Variants in DCC observed in about 807,000 individuals in gnomAD.
DCC encodes DCC netrin 1 receptor.
DCC carries 58 observed loss-of-function variants against 172.5 expected under a neutral mutation model. The observed-to-expected ratio is 0.34, with a 90% CI of 0.27 to 0.42. The LOEUF (loss-of-function observed/expected upper bound fraction) is 0.42, where lower values mean the gene tolerates loss of function less well. Ranked by LOEUF, DCC falls within the 10% of genes least tolerant of loss-of-function variation. DCC has a pLI of 1.00. For synonymous variants in DCC, 709 were observed against 644.5 expected (o/e 1.10, Z -1.52); for missense variants, 1,740 against 1,791.0 (o/e 0.97, Z 0.51).
intron 24 of DCC, among the ~76,000 whole-genome samples, chr18:53,465,928 C>A (rs1170159072): frequency 6.6e-6 from 1 of 151,946 alleles, no homozygotes; most frequent in East Asian, 1.9e-4. Context: ...CCACTCCCGG[C>A]TAATTTTTTG....
rs2034635373 is a variant in DCC, at chr18:52,629,560, A to C, written c.92-122494A>C. 2.0e-5 allele frequency among the ~76,000 whole-genome samples: 3 copies of C among 152,184 alleles called. No individual in the cohort carries two copies. The South Asian group carries it at 6.2e-4, about 31-fold the overall frequency. ...CCGAGCATGGTGGCTCATGCTTATA[A>C]GCCTAGAACTTTGGGAGGCTGAAGC... is the stretch of plus-strand genomic sequence containing the variant. On this transcript the variant is annotated intron_variant, in intron 1 of 28. Coordinates refer to ENST00000442544, the MANE Select transcript of DCC (RefSeq NM_005215.4).
chr18:52,667,677 C>T (rs1374949576), intron 1 of DCC, among the ~76,000 whole-genome samples: 1 of 152,146 alleles, frequency 6.6e-6, no homozygotes, highest in Non-Finnish European at 1.5e-5. Context: ...CATAACAGCC[C>T]CTGGCTTTGG....
At chr18:52,413,852 A>T (rs1986924735) in intron 1 of DCC, among the ~76,000 whole-genome samples, 2 of 152,170 alleles carry the variant, frequency 1.3e-5, no homozygotes. Context: ...ACTCCTTTAC[A>T]TAATAATTAT....
chr18:53,512,189 C>A (rs1292415862), intron 27 of DCC, among the ~76,000 whole-genome samples: 1 of 151,368 alleles, frequency 6.6e-6, no homozygotes, highest in East Asian at 2.0e-4. Flanking sequence ...AGGCACCCCC[C>A]AGCAGGAGCA....
intron 2 of DCC, among the ~76,000 whole-genome samples, chr18:52,797,313 GT>G (rs1324513316): frequency 6.6e-6 from 1 of 152,112 alleles, no homozygotes; most frequent in East Asian, 1.9e-4. Context: ...GAGGCATCAT[GT>G]TTCCTTTTTT....
chr18:53,019,495 C>A (rs998461476), intron 5 of DCC, among the ~76,000 whole-genome samples: 2 of 152,082 alleles, frequency 1.3e-5, no homozygotes, highest in Non-Finnish European at 1.5e-5. Flanking sequence ...ACTTTTTATT[C>A]CCAGGATTTA....
At chr18:52,494,095 C>T (rs2030640314) in intron 1 of DCC, among the ~76,000 whole-genome samples, 1 of 151,942 alleles carries the variant, frequency 6.6e-6, no homozygotes, top group Admixed American at 6.6e-5. Flanking sequence ...GCTATTTTTG[C>T]TGGGTATAGA....
intron 2 of DCC, among the ~76,000 whole-genome samples, chr18:52,804,406 AC>A (rs2038049058): frequency 6.6e-6 from 1 of 152,236 alleles, no homozygotes; most frequent in Non-Finnish European, 1.5e-5. Flanking sequence ...ATTAAATAAA[AC>A]TTCAACTTAT....
intron 1 of DCC, among the ~76,000 whole-genome samples, chr18:52,502,430 C>T (rs950342753): frequency 1.3e-5 from 2 of 152,070 alleles, no homozygotes; most frequent in African/African-American, 2.4e-5. Flanking sequence ...CTTTGATTCT[C>T]GACACTATTT....
At chr18:53,050,699 A>G (rs1350211341) in intron 5 of DCC, among the ~76,000 whole-genome samples, 2 of 152,116 alleles carry the variant, frequency 1.3e-5, no homozygotes, top group African/African-American at 2.4e-5. Context: ...TTCTCTAAAT[A>G]TAGAATCATG....
intron 8 of DCC, among the ~76,000 whole-genome samples, chr18:53,168,803 G>C (rs1268939400): frequency 1.3e-5 from 2 of 152,042 alleles, no homozygotes; most frequent in African/African-American, 4.8e-5. Flanking sequence ...GGGCAGGACG[G>C]CTCATTGCAG....
At chr18:53,495,981 A>C (rs1241580689) in intron 26 of DCC, among the ~76,000 whole-genome samples, 1 of 152,142 alleles carries the variant, frequency 6.6e-6, no homozygotes, top group Admixed American at 6.6e-5. Flanking sequence ...TAAAAACCCC[A>C]TCTCCCTGGG....
intron 14 of DCC, among the ~76,000 whole-genome samples, chr18:53,333,407 T>C: frequency 6.6e-6 from 1 of 152,188 alleles, no homozygotes; most frequent in East Asian, 1.9e-4. Flanking sequence ...TGCAGCACGC[T>C]AAATGGAGGA....
intron 7 of DCC, among the ~76,000 whole-genome samples, chr18:53,145,391 G>C (rs1052054534): frequency 8.5e-5 from 13 of 152,094 alleles, no homozygotes; most frequent in Non-Finnish European, 1.8e-4. Flanking sequence ...GGGATTACAG[G>C]CATGAGCCAC....
chr18:52,420,771 G>T (rs1480811599), intron 1 of DCC, among the ~76,000 whole-genome samples: 1 of 152,092 alleles, frequency 6.6e-6, no homozygotes, highest in Admixed American at 6.5e-5. Flanking sequence ...GGGAGAAAGG[G>T]CCTCAAATGA....
intron 5 of DCC, among the ~76,000 whole-genome samples, chr18:52,987,278 C>T (rs1240817439): frequency 6.6e-6 from 1 of 152,158 alleles, no homozygotes; most frequent in African/African-American, 2.4e-5. Context: ...ACAGCCCATG[C>T]ACAATGGCTA....
Position 53,402,877 on chromosome 18 carries a change from C to G in DCC, c.2919C>G (p.Ala973=), listed in dbSNP as rs957914240. The G allele has an allele frequency of 1.9e-6, 3 of 1,612,994 alleles. No individual in the cohort carries two copies. Among genetic ancestry groups the G allele is most frequent in the Admixed American group, 1.7e-5 (1 of 60,014 alleles). ...VIVSWQPPLE[A]NGKITAYILF... The stretch of plus-strand genomic sequence containing the variant: ...TGAGTTGGCAGCCTCCCTTGGAAGC[C>G]AATGGGAAAATTACTGGTAAGCATC... The change falls in exon 19 of 29, where the codon GCC becomes GCG. Residue 973 remains alanine, a synonymous_variant. Coordinates refer to ENST00000442544, the MANE Select transcript of DCC (RefSeq NM_005215.4).
At chr18:52,651,826 C>T (rs539999752) in intron 1 of DCC, among the ~76,000 whole-genome samples, 16 of 152,158 alleles carry the variant, frequency 1.1e-4, no homozygotes, top group African/African-American at 3.9e-4. Flanking sequence ...TATATAAACA[C>T]CAGCTACCAT....
At chr18:52,374,690 TA>T (rs1985271854) in intron 1 of DCC, among the ~76,000 whole-genome samples, 1 of 152,176 alleles carries the variant, frequency 6.6e-6, no homozygotes, top group Non-Finnish European at 1.5e-5. Flanking sequence ...AATAACATAA[TA>T]TCAACTTTGA....
Sources: allele counts gnomAD v4.1 joint callset (sites outside exome capture counted in the v4.1 genomes callset), GRCh38; gene constraint gnomAD v4.1.1; transcripts MANE v1.5; gene names NCBI Gene and HGNC (gene_info 2026-07-23, HGNC 2026-07-21).